Variants in TNPO1 observed in about 807,000 individuals in gnomAD.
The protein encoded by TNPO1 is transportin-1.
In TNPO1, 8 loss-of-function variants were observed where a neutral mutation model predicts 119.5. The ratio of observed to expected loss-of-function variants is 0.07; its 90% CI spans 0.04 to 0.12. The LOEUF (loss-of-function observed/expected upper bound fraction) is 0.12, where lower values mean the gene tolerates loss of function less well. Among genes scored for constraint, TNPO1 ranks in the 10% least tolerant of loss-of-function variants. TNPO1 has a pLI of 1.00. For synonymous variants in TNPO1, 362 were observed against 363.0 expected, an observed-to-expected ratio of 1.00 and a Z score of 0.03; for missense variants, 576 against 1,089.8, an observed-to-expected ratio of 0.53 and a Z score of 6.64.
rs1207143301 is a variant in TNPO1 at position 72,909,985 on chromosome 5, A to G, written c.*1312A>G. ...AAAAGATCTGTAAAAGGCTGCATAA[A>G]TGTTAGTTGGCACATAAAGACAATT... is the stretch of plus-strand genomic sequence containing the variant. On this transcript the variant is annotated 3_prime_UTR_variant, in exon 25 of 25. Coordinates refer to ENST00000337273, the MANE Select transcript of TNPO1 (RefSeq NM_002270.4). The G allele has an allele frequency of 1.3e-5, 2 of 152,636 alleles. No homozygotes were observed. The highest frequency in any genetic ancestry group is 2.9e-5 in the Non-Finnish European group (2 of 68,032). 9.5% of individuals were successfully genotyped at this position (152,636 alleles called of 1,614,324 possible). A position where few individuals can be genotyped will look rare whatever the true frequency, so the allele number is the denominator to read the frequency against.
intron 2 of TNPO1, among the ~76,000 whole-genome samples, chr5:72,849,397 A>G (rs1745382233): frequency 1.3e-5 from 2 of 152,222 alleles, no homozygotes; most frequent in African/African-American, 4.8e-5. Context: ...TTTTAAGCCT[A>G]AAGAAGTTAG....
At chr5:72,830,639 T>C (rs1386901967) in intron 1 of TNPO1, among the ~76,000 whole-genome samples, 1 of 152,186 alleles carries the variant, frequency 6.6e-6, no homozygotes, top group Non-Finnish European at 1.5e-5. Context: ...CTTATAATAA[T>C]GTATGACCAA....
intron 2 of TNPO1, among the ~76,000 whole-genome samples, chr5:72,850,963 T>A (rs1009898705): frequency 6.6e-6 from 1 of 152,232 alleles, no homozygotes; most frequent in Admixed American, 6.5e-5. Flanking sequence ...TTTTTTTGAA[T>A]ATTTTTTGCT....
intron 5 of TNPO1, among the ~76,000 whole-genome samples, chr5:72,864,750 A>T (rs991449750): frequency 3.3e-5 from 5 of 152,068 alleles, no homozygotes; most frequent in Admixed American, 2.0e-4. Flanking sequence ...CTGGGATTAC[A>T]GGCATGCACC....
rs146305034 is a variant in TNPO1, at chr5:72,905,173, G to A, written c.2590-130G>A. ...AGCAGGGAATGGTGTAGAATCCTAC[G>A]AAGTTTGAGAATTGCTACTTTAAAA... On this transcript the variant is annotated intron_variant, in intron 23 of 24. Transcript: ENST00000337273. 1,055 of 675,874 alleles carry A rather than the reference G, an allele frequency of 1.6e-3. 12 individuals carry two copies. In the African/African-American group the frequency reaches 0.017, roughly 11 times the overall value. The allele number at this position is 675,874 out of a possible 1,614,324, so 41.9% of individuals were successfully genotyped here.
chr5:72,823,119 C>G (rs1744047818), intron 1 of TNPO1, among the ~76,000 whole-genome samples: 1 of 152,080 alleles, frequency 6.6e-6, no homozygotes, highest in Non-Finnish European at 1.5e-5. Context: ...ACCGGACTCT[C>G]TTCCACTGTG....
At chr5:72,847,420 AT>A (rs1745177677) in intron 1 of TNPO1, among the ~76,000 whole-genome samples, 1 of 152,202 alleles carries the variant, frequency 6.6e-6, no homozygotes, top group African/African-American at 2.4e-5. Flanking sequence ...AAAAACCTAT[AT>A]TCGTGTCTCA....
intron 4 of TNPO1, among the ~76,000 whole-genome samples, chr5:72,857,304 G>A (rs183967445): frequency 7.5e-4 from 109 of 145,950 alleles, no homozygotes; most frequent in Non-Finnish European, 1.3e-3. Context: ...GGTGACGAGC[G>A]AAAATCTGTC....
rs564671621 is a variant in TNPO1 at position 72,849,565 on chromosome 5, G to T, written c.129+1067G>T. ...TGAAGTTATTTACCCCGAGGGTTTC[G>T]CAGAAATACTGCATTGCCGTAATTT... is the stretch of plus-strand genomic sequence containing the variant. On this transcript the variant is annotated intron_variant, in intron 2 of 24. Transcript: ENST00000337273. Among the ~76,000 whole-genome samples, 11 of 152,262 alleles carry T rather than the reference G, an allele frequency of 7.2e-5. 1 individual carries two copies. In the South Asian group the frequency reaches 1.7e-3, roughly 23 times the overall value.
At chr5:72,822,759 A>AT (rs1304934798) in intron 1 of TNPO1, among the ~76,000 whole-genome samples, 21 of 151,352 alleles carry the variant, frequency 1.4e-4, no homozygotes, top group African/African-American at 1.9e-4. Context: ...TGCCCAGCTG[A>AT]TTTTTTGTAT....
chr5:72,882,555 A>G (rs746929476), intron 10 of TNPO1, 28 bp downstream of exon 10: 6 of 1,532,028 alleles, frequency 3.9e-6, no homozygotes, highest in Non-Finnish European at 5.4e-6. Context: ...ATGAATAGGG[A>G]ACAAGATTTT....
intron 6 of TNPO1, among the ~76,000 whole-genome samples, chr5:72,868,758 C>T (rs561880117): frequency 6.6e-6 from 1 of 151,656 alleles, no homozygotes; most frequent in African/African-American, 2.4e-5. Context: ...GTTGCAGTTA[C>T]TTAAAGTTTA....
rs564785675 is a variant in TNPO1, at chr5:72,866,403, C to T, written c.596+674C>T. On this transcript the variant is annotated intron_variant, in intron 6 of 24. Transcript: ENST00000337273. ...AAGTTTCCCCCTTTTAACATTTTAACTAAGATAATGAAAATGTGGCAATAT... is the reference window on the plus strand; with the variant it reads ...AAGTTTCCCCCTTTTAACATTTTAATTAAGATAATGAAAATGTGGCAATAT... Among the ~76,000 whole-genome samples, 5 of 152,260 alleles carry T rather than the reference C, an allele frequency of 3.3e-5. No individual in the cohort carries two copies. In the South Asian group the frequency reaches 1.0e-3, roughly 32 times the overall value.
At chr5:72,855,968 G>C in intron 4 of TNPO1, 45 bp downstream of exon 4, 1 of 1,583,292 alleles carries the variant, frequency 6.3e-7, no homozygotes, top group Non-Finnish European at 8.7e-7. Flanking sequence ...TTGTAACTGG[G>C]TCATTTTTAG....
intron 1 of TNPO1, among the ~76,000 whole-genome samples, chr5:72,838,970 T>A (rs1243184264): frequency 2.0e-5 from 3 of 152,190 alleles, no homozygotes; most frequent in Non-Finnish European, 1.5e-5. Context: ...TGTGTTTACT[T>A]AAAACCACTT....
chr5:72,856,271 G>T (rs1745989784), intron 4 of TNPO1, among the ~76,000 whole-genome samples: 1 of 151,862 alleles, frequency 6.6e-6, no homozygotes, highest in African/African-American at 2.4e-5. Flanking sequence ...AGTCTCTGTT[G>T]CCCAGGCTGG....
intron 11 of TNPO1, among the ~76,000 whole-genome samples, 182 bp from the exon 12 acceptor site, chr5:72,886,888 C>CAAAA (rs5868651): frequency 1.4e-5 from 1 of 70,366 alleles, no homozygotes; most frequent in Non-Finnish European, 2.7e-5. Context: ...GACTCCATCT[C>CAAAA]AAAAAAAAAA....
chr5:72,896,396 C>T, intron 18 of TNPO1, 62 bp from the exon 19 acceptor site: 1 of 1,107,356 alleles, frequency 9.0e-7, no homozygotes, highest in Non-Finnish European at 1.3e-6. Context: ...TAGTAGATTT[C>T]CTTTAAAGTA....
chr5:72,852,466 A>G (rs1418096660), intron 3 of TNPO1, among the ~76,000 whole-genome samples: 1 of 152,202 alleles, frequency 6.6e-6, no homozygotes, highest in Non-Finnish European at 1.5e-5. Flanking sequence ...TCCCTGAAAC[A>G]TTGTGGACAC....
Sources: allele counts gnomAD v4.1 joint callset (sites outside exome capture counted in the v4.1 genomes callset), GRCh38; gene constraint gnomAD v4.1.1; transcripts MANE v1.5; gene names NCBI Gene and HGNC (gene_info 2026-07-23, HGNC 2026-07-21).